The following ST3GAL2 variants were observed in gnomAD, a reference collection of about 807,000 sequenced individuals.
ST3GAL2 encodes the protein CMP-N-acetylneuraminate-beta-galactosamide-alpha-2,3-sialyltransferase 2.
Under a neutral mutation model 37.5 loss-of-function variants are expected in ST3GAL2, and 16 were observed. That is an observed-to-expected ratio of 0.43 (90% CI 0.29 to 0.65). The LOEUF (loss-of-function observed/expected upper bound fraction) is 0.65. Ranked by LOEUF, ST3GAL2 falls within the 30% of genes least tolerant of loss-of-function variation. ST3GAL2 has a pLI of 0.17. For missense variants in ST3GAL2, 383 were observed against 487.8 expected (o/e 0.79, Z 2.02); for synonymous variants, 238 against 202.9 (o/e 1.17, Z -1.47).
chr16:70,400,328 C>T (rs2047546871), intron 1 of ST3GAL2: 1 of 152,390 alleles, frequency 6.6e-6, no homozygotes, highest in African/African-American at 2.4e-5. Context: ...GAGGGAGCCA[C>T]ACCAGGTGAG....
chr16:70,387,731 C>A (rs2047452525), intron 4 of ST3GAL2, among the ~76,000 whole-genome samples: 1 of 151,992 alleles, frequency 6.6e-6, no homozygotes, highest in South Asian at 2.1e-4. Flanking sequence ...CCCATGGTTC[C>A]CGGCTATGAT....
intron 1 of ST3GAL2, among the ~76,000 whole-genome samples, chr16:70,421,041 T>G (rs771826632): frequency 3.3e-5 from 5 of 152,212 alleles, no homozygotes; most frequent in Non-Finnish European, 7.4e-5. Flanking sequence ...GCACCAACCC[T>G]GCAGGTGGCT....
rs1056213428 is a variant in ST3GAL2 at position 70,398,677 on chromosome 16, T to C, written c.-147A>G. 4.1e-6 allele frequency: 3 copies of C among 731,174 alleles called. No homozygotes were observed. The highest frequency in any genetic ancestry group is 6.6e-6 in the Non-Finnish European group (3 of 453,308). The allele number at this position is 731,174 out of a possible 1,614,324, so 45.3% of individuals were successfully genotyped here. ...AGCAGGGGACAGTGGCAGGGGTCCCTTGCCACGCCCTCCCTCATGTAGGGA... is the reference window on the plus strand; with the variant it reads ...AGCAGGGGACAGTGGCAGGGGTCCCCTGCCACGCCCTCCCTCATGTAGGGA... On this transcript the variant is annotated 5_prime_UTR_variant, in exon 2 of 7. Coordinates refer to ENST00000342907, the MANE Select transcript of ST3GAL2 (RefSeq NM_006927.4).
rs1597551160 is a variant in ST3GAL2 at position 70,379,771 on chromosome 16, A to T, written c.*1918T>A. On this transcript the variant is annotated 3_prime_UTR_variant, in exon 7 of 7. Coordinates refer to ENST00000342907, the MANE Select transcript of ST3GAL2 (RefSeq NM_006927.4). ...CAAGTAGCTGGGATTACAGGTGCGC[A>T]CCACTGCGCCTGGCTAATTTTTGTA... The T allele has an allele frequency of 6.7e-6, 1 of 148,864 alleles. No individual in the cohort carries two copies. Among genetic ancestry groups the T allele is most frequent in the East Asian group, 2.0e-4 (1 of 5,104 alleles). The allele number at this position is 148,864 out of a possible 1,614,324, so 9.2% of individuals were successfully genotyped here. A position where few individuals can be genotyped will look rare whatever the true frequency, so the allele number is the denominator to read the frequency against.
At chr16:70,393,181 G>T (rs1030286259) in intron 3 of ST3GAL2, among the ~76,000 whole-genome samples, 7 of 151,850 alleles carry the variant, frequency 4.6e-5, no homozygotes, top group Non-Finnish European at 1.0e-4. Flanking sequence ...CGCCTCCTGG[G>T]TTCAGGCAAC....
intron 1 of ST3GAL2, among the ~76,000 whole-genome samples, chr16:70,402,461 C>G (rs1216308954): frequency 6.6e-6 from 1 of 151,864 alleles, no homozygotes; most frequent in African/African-American, 2.4e-5. Context: ...CCATGAAAAG[C>G]TAAAAAATAC....
chr16:70,436,508 A>C (rs56082018), intron 1 of ST3GAL2, among the ~76,000 whole-genome samples: 11,980 of 151,588 alleles, frequency 0.079, 1,584 homozygotes, highest in African/African-American at 0.27. Flanking sequence ...ATCTCTCAAG[A>C]AATTGTGATG....
rs34454921 is a variant in ST3GAL2, at chr16:70,377,178, T to TAAAAAAAAAAAAAAAAAAAAAAAAAA, written c.*4510_*4511insTTTTTTTTTTTTTTTTTTTTTTTTTT. 3 of 85,476 alleles carry TAAAAAAAAAAAAAAAAAAAAAAAAAA rather than the reference T, an allele frequency of 3.5e-5. No homozygotes were observed. The highest frequency in any genetic ancestry group is 1.8e-4 in the African/African-American group (3 of 16,268). The allele number at this position is 85,476 out of a possible 1,614,324, so 5.3% of individuals were successfully genotyped here. ...CTGGGCGACAGGAGACCCTGTCTCT[T>TAAAAAAAAAAAAAAAAAAAAAAAAAA]AAAAAAAAAAAAAAAAAAAAAAAAA... On this transcript the variant is annotated 3_prime_UTR_variant, in exon 7 of 7. Coordinates refer to ENST00000342907, the MANE Select transcript of ST3GAL2 (RefSeq NM_006927.4).
chr16:70,408,710 G>C (rs2047611266), intron 1 of ST3GAL2, among the ~76,000 whole-genome samples: 1 of 151,562 alleles, frequency 6.6e-6, no homozygotes, highest in African/African-American at 2.4e-5. Flanking sequence ...GGTACCTCTT[G>C]ATGCCGCCCA....
chr16:70,414,919 G>C lies in ST3GAL2; in HGVS notation c.-1003-15386C>G, dbSNP rs867409079. On this transcript the variant is annotated intron_variant, in intron 1 of 6. Coordinates refer to ENST00000342907, the MANE Select transcript of ST3GAL2 (RefSeq NM_006927.4). ...GACGGAGTCTCACTCTGTCACCCAG[G>C]CTGGAGTGCAGTGGCACGATCTCGG... 7.2e-5 allele frequency among the ~76,000 whole-genome samples: 11 copies of C among 151,880 alleles called. No individual in the cohort carries two copies. In the South Asian group the frequency reaches 2.3e-3, roughly 32 times the overall value.
intron 1 of ST3GAL2, among the ~76,000 whole-genome samples, chr16:70,403,959 C>A (rs1238713320): frequency 6.6e-6 from 1 of 151,896 alleles, no homozygotes; most frequent in East Asian, 1.9e-4. Flanking sequence ...CATGCCATGG[C>A]ACTCCAGGAT....
intron 1 of ST3GAL2, among the ~76,000 whole-genome samples, chr16:70,404,043 G>A (rs966044391): frequency 5.9e-5 from 9 of 152,134 alleles, no homozygotes; most frequent in African/African-American, 1.9e-4. Flanking sequence ...TTGGAAACAG[G>A]CAGTTGAACA....
intron 1 of ST3GAL2, chr16:70,400,963 C>G (rs995297673): frequency 6.6e-6 from 1 of 152,340 alleles, no homozygotes; most frequent in African/African-American, 2.4e-5. Flanking sequence ...CTAGGCATGG[C>G]CTTGGCTGAA....
intron 1 of ST3GAL2, among the ~76,000 whole-genome samples, chr16:70,429,990 TCAACCAGACCAAGCCC>T (rs1315534063): frequency 6.6e-6 from 1 of 152,154 alleles, no homozygotes; most frequent in Non-Finnish European, 1.5e-5. Context: ...CTATATGCAT[TCAACCAGACCAAGCCC>T]TAGACTGTGA....
intron 1 of ST3GAL2, among the ~76,000 whole-genome samples, chr16:70,419,297 G>C (rs1440356751): frequency 2.6e-5 from 4 of 152,198 alleles, no homozygotes; most frequent in Non-Finnish European, 4.4e-5. Flanking sequence ...CAGAGTTGAA[G>C]GACTGGACTT....
At chr16:70,423,774 T>C (rs893863452) in intron 1 of ST3GAL2, among the ~76,000 whole-genome samples, 2 of 150,880 alleles carry the variant, frequency 1.3e-5, no homozygotes, top group Non-Finnish European at 3.0e-5. Flanking sequence ...CCTCCTGGGT[T>C]AAAGCGATTC....
rs1400955038 is a variant in ST3GAL2 at position 70,398,981 on chromosome 16, C to A, written c.-451G>T. 4.8e-6 allele frequency: 2 copies of A among 413,572 alleles called. No individual in the cohort carries two copies. The highest frequency in any genetic ancestry group is 8.5e-6 in the Non-Finnish European group (2 of 234,290). 25.6% of individuals were successfully genotyped at this position (413,572 alleles called of 1,614,324 possible). ...CAGACAATGAGGCGGCCCCTCGTTC[C>A]CGGCAGCGGGGAAGCCCTAGAACTC... On this transcript the variant is annotated 5_prime_UTR_variant, in exon 2 of 7. Transcript: ENST00000342907.
At chr16:70,399,989 C>A (rs2047544131) in intron 1 of ST3GAL2, 2 of 152,312 alleles carry the variant, frequency 1.3e-5, no homozygotes, top group African/African-American at 4.8e-5. Context: ...CTCTGACCGC[C>A]CCTCTTCTCT....
intron 1 of ST3GAL2, among the ~76,000 whole-genome samples, chr16:70,419,922 A>G (rs1481601838): frequency 1.3e-5 from 2 of 151,712 alleles, no homozygotes; most frequent in African/African-American, 4.8e-5. Context: ...TCCAGGCTGC[A>G]GGTATGGAGG....
Sources: gnomAD v4.1 joint callset for allele counts (sites outside exome capture counted in the v4.1 genomes callset) on GRCh38, gnomAD v4.1.1 for gene constraint, MANE v1.5 for transcripts, NCBI Gene and HGNC (gene_info 2026-07-23, HGNC 2026-07-21) for gene names.